Variants in MUC6 observed in about 807,000 individuals in gnomAD.
MUC6 encodes the protein mucin-6.
MUC6 carries 188 observed loss-of-function variants against 201.5 expected under a neutral mutation model. The ratio of observed to expected loss-of-function variants is 0.93; its 90% CI spans 0.83 to 1.05. The LOEUF is 1.05. MUC6 is among the 50% of genes least tolerant of loss of function. MUC6 has a pLI of 0.00. For synonymous variants in MUC6, 1,228 were observed against 1,389.4 expected (o/e 0.88, Z 2.58); for missense variants, 2,706 against 3,256.9 (o/e 0.83, Z 4.12).
intron 26 of MUC6, among the ~76,000 whole-genome samples, chr11:1,021,702 G>C (rs1856811883): frequency 6.6e-6 from 1 of 151,920 alleles, no homozygotes; most frequent in Non-Finnish European, 1.5e-5. Flanking sequence ...GCCTTCCTCA[G>C]GCCTTGGTCT....
In MUC6 at chr11:1,027,408, G is replaced by C; in HGVS notation, c.2091C>G (p.Pro697=). The C allele has an allele frequency of 6.2e-7, 1 of 1,612,844 alleles. No homozygotes were observed. Among genetic ancestry groups the C allele is most frequent in the Non-Finnish European group, 8.5e-7 (1 of 1,179,828 alleles). The part of the protein sequence containing the change: ...RATECHHSAV[P]VDGCNCPDGT... ...CATCGGGGCAGTTGCAACCGTCCAC[G>C]GGCACGGCGCTGTGGTGGCACTCGG... Residue 697 remains proline, a synonymous_variant, in exon 17 of 33, where the codon CCC becomes CCG. Transcript: ENST00000421673.
chr11:1,013,991 A>G lies in MUC6; in HGVS notation c.7050T>C (p.Ser2350=), dbSNP rs376304555. Residue 2350 remains serine (S), a synonymous_variant, in exon 32 of 33, where the codon AGT becomes AGC. Transcript: ENST00000421673. ...TGATCTCCTCCTGCTGCTCCCGCAC[A>G]CTGCAGACCCCTGGTAGCCGAGTGG... ...TPTPTSPGVC[S]VREQQEEITF... is the part of the protein sequence containing the mutation. The G allele has an allele frequency of 2.6e-5, 42 of 1,607,438 alleles. No homozygotes were observed. The highest frequency in any genetic ancestry group is 3.5e-5 in the Non-Finnish European group (41 of 1,177,614).
Position 1,026,439 on chromosome 11 carries a change from C to A in MUC6, c.2434G>T (p.Gly812Cys), listed in dbSNP as rs750491925. Residue 812 changes from glycine to cysteine, a missense_variant, in exon 20 of 33, where the codon GGC becomes TGC. Physicochemically the swap from Gly to Cys is radical, Grantham distance 159. This residue lies in a region of MUC6 where 1,850 missense variants were observed against 1,958.3 expected (regional missense o/e 0.94). Coordinates refer to ENST00000421673, the MANE Select transcript of MUC6 (RefSeq NM_005961.3). ...TGCCCGTCGGCATTCTCGTAGAGGC[C>A]CTCGGCGCAGACACAGCCAGGCTCA... ...KCEPGCVCAE[G>C]LYENADGQCV... 1 of 1,607,538 alleles carries A rather than the reference C, an allele frequency of 6.2e-7. No individual in the cohort carries two copies. Among genetic ancestry groups the A allele is most frequent in the Non-Finnish European group, 8.5e-7 (1 of 1,177,854 alleles).
Position 1,013,604 on chromosome 11 carries a change from G to T in MUC6, c.7172C>A (p.Ala2391Asp). 6.4e-7 allele frequency: 1 copy of T among 1,565,392 alleles called. No individual in the cohort carries two copies. ...GAGGGGGCGGCAGCAGCTGCAGCGG[G>T]CATCCACCTGCTGGGTGATGATGTT... ...SFNIITQQVD[A>D]RCSCCRPLHS... Residue 2391 changes from alanine (A) to aspartate (D), a missense_variant, in exon 33 of 33, where the codon GCC (alanine) becomes GAC (aspartate). Coordinates refer to ENST00000421673, the MANE Select transcript of MUC6 (RefSeq NM_005961.3).
chr11:1,014,511 G>A (rs868817965), intron 31 of MUC6, among the ~76,000 whole-genome samples: 11 of 152,320 alleles, frequency 7.2e-5, no homozygotes, highest in African/African-American at 2.6e-4. Context: ...TGGAAGGGGC[G>A]GGGTGGGGGC....
intron 31 of MUC6, among the ~76,000 whole-genome samples, chr11:1,014,516 G>A (rs76600772): frequency 0.024 from 3,717 of 152,304 alleles, 57 homozygotes; most frequent in Middle Eastern, 0.044. Flanking sequence ...GGGGCGGGGT[G>A]GGGGCCCGCG....
chr11:1,013,424 C>A lies in MUC6; in HGVS notation c.*32G>T. ...GTTTTCCTGTCTGTCATCTGCAGTCCTTCAGCCCCAGGAGAGCAGGCAGCG... is the reference window on the plus strand; with the variant it reads ...GTTTTCCTGTCTGTCATCTGCAGTCATTCAGCCCCAGGAGAGCAGGCAGCG... On this transcript the variant is annotated 3_prime_UTR_variant, in exon 33 of 33. Transcript: ENST00000421673. The A allele has an allele frequency of 6.5e-7, 1 of 1,542,312 alleles. No individual in the cohort carries two copies. Among genetic ancestry groups the A allele is most frequent in the East Asian group, 2.4e-5 (1 of 41,154 alleles).
Position 1,030,773 on chromosome 11 carries a change from A to G in MUC6, c.692T>C (p.Ile231Thr). 1 of 1,537,124 alleles carries G rather than the reference A, an allele frequency of 6.5e-7. No individual in the cohort carries two copies. Among genetic ancestry groups the G allele is most frequent in the Non-Finnish European group, 8.7e-7 (1 of 1,146,836 alleles). ...THVRQAQHAR[I>T]CTQLLTLVAP... ...CACCAGGGTCAGCAGCTGGGTGCAG[A>G]TCCGGGCCTGGGGGGGCCACTCAGG... The change falls in exon 7 of 33, where the codon ATC (isoleucine) becomes ACC (threonine). Residue 231 changes from isoleucine to threonine, a missense_variant. Physicochemically the swap from Ile to Thr is moderately conservative, Grantham distance 89. Transcript: ENST00000421673.
chr11:1,027,480 G>A lies in MUC6; in HGVS notation c.2019C>T (p.Asn673=). 1.9e-6 allele frequency: 3 copies of A among 1,612,636 alleles called. No homozygotes were observed. The highest frequency in any genetic ancestry group is 2.5e-6 in the Non-Finnish European group (3 of 1,179,806). Residue 673 remains asparagine, a synonymous_variant, in exon 17 of 33, where the codon AAC becomes AAT. Coordinates refer to ENST00000421673, the MANE Select transcript of MUC6 (RefSeq NM_005961.3). ...PCTGNTTFSY[N]SQACERTCLS... ...GGCAGGTGCGCTCACAGGCTTGGCT[G>A]TTGTAGCTGAAGGTGGTGTTACCCG...
At position 1,028,977 on chromosome 11, in the gene MUC6, C is replaced by T. The variant is rs1590052050; in HGVS notation, c.1381-16G>A. 3.1e-6 allele frequency: 5 copies of T among 1,612,946 alleles called. No homozygotes were observed. Among genetic ancestry groups the T allele is most frequent in the East Asian group, 4.5e-5 (2 of 44,896 alleles). On this transcript the variant is annotated splice_polypyrimidine_tract_variant and intron_variant, in intron 11 of 32. Transcript: ENST00000421673. ...CAATTTTGTCCTGGAGAGAGGGTGG[C>T]CTGAGTCAGGGTGCAGGCACCAGGG...
chr11:1,019,200 G>A (rs1013377759), intron 30 of MUC6, 75 bp downstream of exon 30: 1 of 1,472,820 alleles, frequency 6.8e-7, no homozygotes, highest in Non-Finnish European at 9.4e-7. Flanking sequence ...CTTTATGGCT[G>A]AATCACTGAA....
rs748063867 is a variant in MUC6 at position 1,016,413 on chromosome 11, A to T, written c.6388T>A (p.Ser2130Thr). The T allele has an allele frequency of 1.9e-6, 3 of 1,613,594 alleles. No individual in the cohort carries two copies. Among genetic ancestry groups the T allele is most frequent in the Non-Finnish European group, 1.7e-6 (2 of 1,179,730 alleles). The change falls in exon 31 of 33, where the codon TCA becomes ACA. Residue 2130 changes from serine (S) to threonine (T), a missense_variant. By Grantham distance (58) the Ser-to-Thr change is moderately conservative. This residue lies in a region of MUC6 where 586 missense variants were observed against 488.0 expected (regional missense o/e 1.20). Coordinates refer to ENST00000421673, the MANE Select transcript of MUC6 (RefSeq NM_005961.3). ...GGGGCAGAAGGACTGGGAGAAAATG[A>T]GGAGGACAGCTGATTAGTTGTGGAA... ...PVSTTNQLSS[S>T]FSPSPSAPST... is the part of the protein sequence containing the mutation.
chr11:1,029,672 C>G, intron 8 of MUC6, 57 bp from the exon 9 acceptor site: 1 of 1,511,818 alleles, frequency 6.6e-7, no homozygotes, highest in Non-Finnish European at 8.8e-7. Flanking sequence ...CCACTCTCCC[C>G]TCCCTGGCTC....
intron 5 of MUC6, 51 bp downstream of exon 5, chr11:1,031,118 C>A (rs1857091939): frequency 2.2e-6 from 1 of 458,934 alleles, no homozygotes; most frequent in Non-Finnish European, 3.8e-6. Context: ...CCCTGCCCTG[C>A]CCCCCACCTA....
chr11:1,028,419 C>G, intron 13 of MUC6, 32 bp from the exon 14 acceptor site: 3 of 1,605,850 alleles, frequency 1.9e-6, no homozygotes, highest in Non-Finnish European at 2.5e-6. Flanking sequence ...TCGACTTGAA[C>G]CCATCCCTCC....
In MUC6 at chr11:1,031,311, G is replaced by A. The variant is rs1470511830; in HGVS notation, c.484-52C>T. 2.0e-6 allele frequency: 3 copies of A among 1,481,830 alleles called. No homozygotes were observed. The African/African-American group carries it at 4.3e-5, about 21-fold the overall frequency. The allele number at this position is 1,481,830 out of a possible 1,614,324, so 91.8% of individuals were successfully genotyped here. ...CCGGGGGCCAGGGGCCCCCTCATCTGCTGTGGAGGGCTCTCAGTTCCTGCT... is the reference window on the plus strand; with the variant it reads ...CCGGGGGCCAGGGGCCCCCTCATCTACTGTGGAGGGCTCTCAGTTCCTGCT... On this transcript the variant is annotated intron_variant, in intron 4 of 32. Coordinates refer to ENST00000421673, the MANE Select transcript of MUC6 (RefSeq NM_005961.3).
In MUC6 at chr11:1,027,256, C is replaced by T; in HGVS notation, c.2231+12G>A. The T allele has an allele frequency of 6.2e-7, 1 of 1,612,094 alleles. No homozygotes were observed. The highest frequency in any genetic ancestry group is 8.5e-7 in the Non-Finnish European group (1 of 1,179,712). On this transcript the variant is annotated intron_variant, in intron 17 of 32. Transcript: ENST00000421673. ...CAGGGACCCCCCGCCTGGCCCCTGCCCGGTCCCTCACCAGGTGATGCCGTT... is the reference window on the plus strand; with the variant it reads ...CAGGGACCCCCCGCCTGGCCCCTGCTCGGTCCCTCACCAGGTGATGCCGTT...
Position 1,024,013 on chromosome 11 carries a change from C to T in MUC6, c.3316G>A (p.Ala1106Thr). ...TCCAGACAGGCTTGGGCGTAGGCAG[C>T]CACGGCATCGCACAGACACTCACAG... The part of the protein sequence containing the change: ...GDCECLCDAV[A>T]AYAQACLDKG... Residue 1106 changes from alanine to threonine, a missense_variant, in exon 25 of 33, where the codon GCT (alanine) becomes ACT (threonine). Physicochemically the swap from Ala to Thr is moderately conservative, Grantham distance 58. Coordinates refer to ENST00000421673, the MANE Select transcript of MUC6 (RefSeq NM_005961.3). 1 of 1,611,960 alleles carries T rather than the reference C, an allele frequency of 6.2e-7. No individual in the cohort carries two copies. The highest frequency in any genetic ancestry group is 8.5e-7 in the Non-Finnish European group (1 of 1,179,574).
chr11:1,029,999 G>T (rs1037363579), intron 8 of MUC6, among the ~76,000 whole-genome samples: 1 of 152,208 alleles, frequency 6.6e-6, no homozygotes, highest in Non-Finnish European at 1.5e-5. Context: ...CTCACCGCCC[G>T]TGGGTTTGCA....
Sources: gnomAD v4.1 joint callset for allele counts (sites outside exome capture counted in the v4.1 genomes callset) on GRCh38, gnomAD v4.1.1 for gene constraint, gnomAD v4.1.1 regional missense constraint, MANE v1.5 for transcripts, NCBI Gene and HGNC (gene_info 2026-07-23, HGNC 2026-07-21) for gene names.